Variants in NREP observed in about 807,000 individuals in gnomAD.
NREP encodes neuronal regeneration related protein.
In NREP, 5 loss-of-function variants were observed where a neutral mutation model predicts 8.6. That is an observed-to-expected ratio of 0.58 (90% CI 0.30 to 1.22). The LOEUF (loss-of-function observed/expected upper bound fraction) is 1.22. Among genes scored for constraint, NREP ranks in the 50% most tolerant of loss-of-function variants. The pLI is 0.07. For synonymous variants in NREP, 27 were observed against 28.0 expected, an observed-to-expected ratio of 0.96 and a Z score of 0.11; for missense variants, 86 against 82.5, an observed-to-expected ratio of 1.04 and a Z score of -0.17.
chr5:111,799,372 C>T (rs6594543), intron 2 of NREP, among the ~76,000 whole-genome samples: 56,470 of 151,952 alleles, frequency 0.37, 10,809 homozygotes, highest in Middle Eastern at 0.5. Context: ...TGGTCATTTT[C>T]ACAATATTGA....
At chr5:111,915,838 A>T (rs1755041199) in intron 2 of NREP, among the ~76,000 whole-genome samples, 1 of 152,158 alleles carries the variant, frequency 6.6e-6, no homozygotes, top group African/African-American at 2.4e-5. Context: ...AATTGATTTC[A>T]CGGCCTGTTC....
At chr5:111,836,047 T>G (rs1277751802) in intron 2 of NREP, among the ~76,000 whole-genome samples, 3 of 152,100 alleles carry the variant, frequency 2.0e-5, no homozygotes, top group Non-Finnish European at 4.4e-5. Context: ...GGTCAGCAAT[T>G]CATATGCTTA....
At chr5:111,843,185 GTT>G (rs1459372852) in intron 2 of NREP, among the ~76,000 whole-genome samples, 1 of 151,676 alleles carries the variant, frequency 6.6e-6, no homozygotes, top group African/African-American at 2.4e-5. Context: ...ACATATATTG[GTT>G]TTGTTGATAG....
chr5:111,803,241 T>G (rs1292606387), intron 2 of NREP, among the ~76,000 whole-genome samples: 2 of 152,170 alleles, frequency 1.3e-5, no homozygotes, highest in African/African-American at 4.8e-5. Context: ...ATGCTTGAAG[T>G]TATGAGAGTA....
intron 2 of NREP, among the ~76,000 whole-genome samples, chr5:111,928,911 C>T (rs1470108485): frequency 6.6e-6 from 1 of 152,070 alleles, no homozygotes; most frequent in African/African-American, 2.4e-5. Flanking sequence ...GTGTGTATGT[C>T]CCAGTTTAAA....
rs1439767337 is a variant in NREP, at chr5:111,877,885, T to A, written c.135+97389A>T. On this transcript the variant is annotated intron_variant, in intron 2 of 3. Coordinates refer to the NREP transcript ENST00000395634. ...AACTAGTGTTACCAGGTACCACACA[T>A]AGGGCCACACTGGAGTATGGCATCC... is the stretch of plus-strand genomic sequence containing the variant. Among the ~76,000 whole-genome samples the A allele has an allele frequency of 3.3e-5, 5 of 152,100 alleles. No individual in the cohort carries two copies. In the East Asian group the frequency reaches 9.6e-4, roughly 29 times the overall value.
At chr5:111,810,825 G>A (rs1159165288) in intron 2 of NREP, among the ~76,000 whole-genome samples, 3 of 152,156 alleles carry the variant, frequency 2.0e-5, no homozygotes, top group Non-Finnish European at 4.4e-5. Context: ...ACTGAATTGT[G>A]TGAGTCCTAT....
intron 2 of NREP, among the ~76,000 whole-genome samples, chr5:111,853,976 T>G (rs1561694936): frequency 1.3e-5 from 2 of 152,098 alleles, no homozygotes; most frequent in East Asian, 3.9e-4. Context: ...AACAGCCAAT[T>G]AAATATCACA....
At chr5:111,922,440 A>C (rs10076692) in intron 2 of NREP, among the ~76,000 whole-genome samples, 31 of 152,232 alleles carry the variant, frequency 2.0e-4, no homozygotes, top group Non-Finnish European at 4.1e-4. Context: ...AAATGCTTCC[A>C]CCCAGTTAGT....
At chr5:111,936,385 C>G (rs569941392) in intron 2 of NREP, among the ~76,000 whole-genome samples, 32 of 152,128 alleles carry the variant, frequency 2.1e-4, no homozygotes, top group Non-Finnish European at 2.9e-4. Flanking sequence ...GCCTTGCTTC[C>G]CCTTCACCTT....
intron 2 of NREP, among the ~76,000 whole-genome samples, chr5:111,776,075 A>G (rs1426418093): frequency 6.6e-6 from 1 of 152,192 alleles, no homozygotes; most frequent in Non-Finnish European, 1.5e-5. Context: ...TATGAGGTGA[A>G]TAGCCTCAAA....
At chr5:111,777,060 A>T (rs1055552681) in intron 2 of NREP, among the ~76,000 whole-genome samples, 1 of 151,530 alleles carries the variant, frequency 6.6e-6, no homozygotes, top group African/African-American at 2.4e-5. Flanking sequence ...GAGGAAGAAG[A>T]GGAGAGCAGC....
At chr5:111,935,111 A>C (rs1480351259) in intron 2 of NREP, among the ~76,000 whole-genome samples, 1 of 152,082 alleles carries the variant, frequency 6.6e-6, no homozygotes, top group Non-Finnish European at 1.5e-5. Flanking sequence ...ACTTTTGAAA[A>C]CTGGTAATTT....
At position 111,730,020 on chromosome 5, in the gene NREP, C is replaced by T. The variant is rs1200116285; in HGVS notation, c.*901G>A. 1.3e-5 allele frequency: 2 copies of T among 151,498 alleles called. No homozygotes were observed. Among genetic ancestry groups the T allele is most frequent in the East Asian group, 3.9e-4 (2 of 5,186 alleles). 9.4% of individuals were successfully genotyped at this position (151,498 alleles called of 1,614,324 possible). ...AACCCAAAGAGACACCTCAAAATGC[C>T]TGTAAAATTATTGCTTTTCTTTCTC... On this transcript the variant is annotated 3_prime_UTR_variant, in exon 4 of 4. Transcript: ENST00000257435.
chr5:111,739,191 C>T (rs893399765), intron 2 of NREP: 2 of 152,154 alleles, frequency 1.3e-5, no homozygotes, highest in African/African-American at 4.8e-5. Context: ...ACAGACTAAA[C>T]AACAAACAAA....
intron 2 of NREP, among the ~76,000 whole-genome samples, chr5:111,772,906 T>A (rs1407966853): frequency 6.6e-6 from 1 of 152,228 alleles, no homozygotes; most frequent in Non-Finnish European, 1.5e-5. Context: ...TACTAATGGT[T>A]ACTGCTGCTT....
At chr5:111,752,147 T>A (rs1465756719) in intron 2 of NREP, among the ~76,000 whole-genome samples, 2 of 152,212 alleles carry the variant, frequency 1.3e-5, no homozygotes, top group Non-Finnish European at 2.9e-5. Flanking sequence ...ATTTCTTCAA[T>A]GTATTTATGA....
At chr5:111,951,081 G>A (rs73225639) in intron 2 of NREP, among the ~76,000 whole-genome samples, 17,067 of 152,058 alleles carry the variant, frequency 0.11, 1,599 homozygotes, top group African/African-American at 0.25. Context: ...TGAAGACAAT[G>A]TATATAATTG....
chr5:111,870,627 C>T (rs1753767934), intron 2 of NREP, among the ~76,000 whole-genome samples: 2 of 152,058 alleles, frequency 1.3e-5, no homozygotes, highest in African/African-American at 4.8e-5. Flanking sequence ...TGTTGATGTC[C>T]TAACCTCCAG....
Sources: allele counts gnomAD v4.1 joint callset (sites outside exome capture counted in the v4.1 genomes callset), GRCh38; gene constraint gnomAD v4.1.1; transcripts MANE v1.5; gene names NCBI Gene and HGNC (gene_info 2026-07-23, HGNC 2026-07-21).